AR: variants seen among roughly 807,000 people sequenced by gnomAD.
AR encodes androgen receptor, also known as dihydrotestosterone receptor.
A neutral mutation model predicts 53.9 loss-of-function variants in AR; 8 were observed. The ratio of observed to expected loss-of-function variants is 0.15; its 90% CI spans 0.09 to 0.27. AR has a LOEUF of 0.27. Ranked by LOEUF, AR falls within the 10% of genes least tolerant of loss-of-function variation. The probability of loss-of-function intolerance (pLI) is 1.00; values close to 1 mark genes in which losing one functional copy is unlikely to be tolerated. For missense variants in AR, 639 were observed against 742.5 expected (o/e 0.86, Z 1.62); for synonymous variants, 359 against 316.4 (o/e 1.13, Z -1.43).
chrX:67,624,904 C>CAAAAAAAAAAAAAAAAA (rs140323582), intron 1 of AR, among the ~76,000 whole-genome samples: 2 of 18,181 alleles, frequency 1.1e-4, no homozygotes, highest in Non-Finnish European at 1.5e-4. Context: ...GGCAATTAGG[C>CAAAAAAAAAAAAAAAAA]AAAAAAAAAA....
chrX:67,718,275 C>T (rs961458856), intron 5 of AR, among the ~76,000 whole-genome samples: 1 of 111,252 alleles, frequency 9.0e-6, no homozygotes, highest in Non-Finnish European at 1.9e-5. Context: ...GTACCTCTAC[C>T]GCTCTCTGGC....
intron 1 of AR, among the ~76,000 whole-genome samples, chrX:67,603,964 G>A (rs1482101176): frequency 2.7e-5 from 3 of 111,163 alleles, no homozygotes; most frequent in Non-Finnish European, 5.7e-5. Flanking sequence ...CAATAGCTTT[G>A]TAAGGTGCTG....
chrX:67,723,308 C>CTGTATG (rs1473926812), intron 7 of AR, among the ~76,000 whole-genome samples: 1 of 14,588 alleles, frequency 6.9e-5, no homozygotes, highest in African/African-American at 1.2e-4. Flanking sequence ...GTGAGTTTGT[C>CTGTATG]TGTCTGTGTG....
At chrX:67,684,399 A>G (rs756602982) in intron 2 of AR, among the ~76,000 whole-genome samples, 1 of 110,638 alleles carries the variant, frequency 9.0e-6, no homozygotes, top group East Asian at 2.9e-4. Context: ...TATGTTAAAA[A>G]CCCCTAACAC....
Position 67,546,565 on chromosome X carries a change from C to G in AR, c.1419C>G (p.Gly473=). The change falls in exon 1 of 8, where the codon GGC becomes GGG. Residue 473 remains glycine, a synonymous_variant. Coordinates refer to ENST00000374690, the MANE Select transcript of AR (RefSeq NM_000044.6). ...GGGGGGGGGG[G]EAGAVAPYGY... ...GCGGCGGCGGCGGCGGCGGCGGCGG[C>G]GAGGCGGGAGCTGTAGCCCCCTACG... 4.1e-6 allele frequency: 4 copies of G among 986,796 alleles called. No individual in the cohort carries two copies. Among genetic ancestry groups the G allele is most frequent in the Non-Finnish European group, 5.1e-6 (4 of 779,830 alleles). The allele number at this position is 986,796 out of a possible 1,213,427, so 81.3% of individuals were successfully genotyped here.
intron 1 of AR, among the ~76,000 whole-genome samples, chrX:67,629,041 G>A (rs1924888769): frequency 9.0e-6 from 1 of 111,613 alleles, no homozygotes; most frequent in Admixed American, 9.5e-5. Flanking sequence ...CCGTTTGCCA[G>A]TATTTTATTG....
At chrX:67,586,629 A>G (rs1244014184) in intron 1 of AR, among the ~76,000 whole-genome samples, 2 of 112,295 alleles carry the variant, frequency 1.8e-5, no homozygotes, top group African/African-American at 6.5e-5. Flanking sequence ...CAGGCTTCCA[A>G]TTTTCTCTCT....
chrX:67,711,262 A>C, intron 3 of AR, 140 bp from the exon 4 acceptor site: 1 of 700,381 alleles, frequency 1.4e-6, no homozygotes, highest in Non-Finnish European at 2.2e-6. Context: ...TTGAATGAGC[A>C]CTTGTCCTTA....
chrX:67,656,512 TAATG>T (rs984839990), intron 2 of AR, among the ~76,000 whole-genome samples: 5 of 111,457 alleles, frequency 4.5e-5, no homozygotes, highest in Non-Finnish European at 7.5e-5. Context: ...AAAACAATAA[TAATG>T]GTGATGATAA....
chrX:67,613,920 C>A (rs753362407), intron 1 of AR, among the ~76,000 whole-genome samples: 1 of 112,073 alleles, frequency 8.9e-6, no homozygotes, highest in Non-Finnish European at 1.9e-5. Flanking sequence ...TTCTAAACTC[C>A]CTGAAGTGTG....
chrX:67,625,559 A>T (rs773357546), intron 1 of AR, among the ~76,000 whole-genome samples: 6 of 111,932 alleles, frequency 5.4e-5, no homozygotes, highest in Non-Finnish European at 1.1e-4. Flanking sequence ...GGACAAACAG[A>T]TCAATAAATG....
chrX:67,715,990 G>A (rs1386815418), intron 4 of AR, among the ~76,000 whole-genome samples: 1 of 111,900 alleles, frequency 8.9e-6, no homozygotes, highest in Non-Finnish European at 1.9e-5. Flanking sequence ...TTCTACCTGT[G>A]TATTATTGTA....
intron 2 of AR, among the ~76,000 whole-genome samples, chrX:67,665,668 C>T (rs939812193): frequency 9.0e-6 from 1 of 111,318 alleles, no homozygotes; most frequent in African/African-American, 3.3e-5. Context: ...AGATCACTCT[C>T]GACTAGCAAG....
chrX:67,686,202 CA>C, intron 3 of AR, 76 bp downstream of exon 3: 1 of 1,044,298 alleles, frequency 9.6e-7, no homozygotes, highest in East Asian at 3.2e-5. Context: ...CTCTTTAGAC[CA>C]GATTTTCTTC....
intron 1 of AR, among the ~76,000 whole-genome samples, chrX:67,561,778 G>T (rs1434454976): frequency 9.0e-6 from 1 of 111,011 alleles, no homozygotes; most frequent in Admixed American, 9.6e-5. Context: ...AAGCATGGAG[G>T]AGCTGTGAGA....
chrX:67,720,731 T>G (rs1387203835), intron 5 of AR, among the ~76,000 whole-genome samples: 4 of 111,006 alleles, frequency 3.6e-5, no homozygotes, highest in Non-Finnish European at 7.6e-5. Context: ...CCAGGCCTGC[T>G]CATCCTATGG....
At chrX:67,639,945 G>A (rs1925657186) in intron 1 of AR, among the ~76,000 whole-genome samples, 1 of 111,378 alleles carries the variant, frequency 9.0e-6, no homozygotes. Context: ...GTATGATATT[G>A]GGTGTGGGTT....
At chrX:67,579,614 A>G (rs1406094877) in intron 1 of AR, among the ~76,000 whole-genome samples, 1 of 111,765 alleles carries the variant, frequency 8.9e-6, no homozygotes, top group East Asian at 2.8e-4. Flanking sequence ...TTGAAGATAC[A>G]GTTACAGATT....
At chrX:67,658,082 T>C (rs1474084363) in intron 2 of AR, among the ~76,000 whole-genome samples, 1 of 112,143 alleles carries the variant, frequency 8.9e-6, no homozygotes, top group Non-Finnish European at 1.9e-5. Flanking sequence ...TTGGAAGGCT[T>C]TGCCTCCTGG....
Sources: allele counts gnomAD v4.1 joint callset (sites outside exome capture counted in the v4.1 genomes callset), GRCh38; gene constraint gnomAD v4.1.1; transcripts MANE v1.5; gene names NCBI Gene and HGNC (gene_info 2026-07-23, HGNC 2026-07-21).